Variants in CECR2 observed in about 807,000 individuals in gnomAD.
CECR2 encodes CECR2 histone acetyl-lysine reader.
A neutral mutation model predicts 154.5 loss-of-function variants in CECR2; 30 were observed. That is an observed-to-expected ratio of 0.19 (90% CI 0.15 to 0.26). The LOEUF (loss-of-function observed/expected upper bound fraction) is 0.26, where lower values mean the gene tolerates loss of function less well. CECR2 is among the 10% of genes least tolerant of loss of function. The pLI, the probability that CECR2 is intolerant of heterozygous loss-of-function variation, is 1.00. For missense variants in CECR2, 1,743 were observed against 1,829.3 expected (o/e 0.95, Z 0.86); for synonymous variants, 725 against 683.7 (o/e 1.06, Z -0.94).
At chr22:17,399,990 C>CAGTTAGCAT (rs2053868199) in intron 1 of CECR2, among the ~76,000 whole-genome samples, 1 of 152,114 alleles carries the variant, frequency 6.6e-6, no homozygotes. Context: ...TGTAATTCTG[C>CAGTTAGCAT]AGTTAGCATT....
At chr22:17,456,173 G>A (rs2054851423) in intron 1 of CECR2, among the ~76,000 whole-genome samples, 1 of 152,024 alleles carries the variant, frequency 6.6e-6, no homozygotes, top group South Asian at 2.1e-4. Flanking sequence ...GTCTACTGTT[G>A]TACCATTGAT....
chr22:17,376,029 C>T (rs1486494110), intron 1 of CECR2, among the ~76,000 whole-genome samples: 1 of 151,972 alleles, frequency 6.6e-6, no homozygotes. Context: ...GATAAAATGC[C>T]TTCTAAAGAT....
chr22:17,514,631 A>T (rs2056018164), intron 8 of CECR2, among the ~76,000 whole-genome samples: 1 of 152,166 alleles, frequency 6.6e-6, no homozygotes, highest in African/African-American at 2.4e-5. Flanking sequence ...CTGGTTCTTT[A>T]ATAGTTAAAA....
intron 14 of CECR2, 90 bp downstream of exon 14, chr22:17,540,890 ATACT>A: frequency 7.5e-6 from 10 of 1,331,044 alleles, no homozygotes; most frequent in East Asian, 2.6e-5. Flanking sequence ...TTCCTGCAAA[ATACT>A]TACGTGTATG....
intron 9 of CECR2, among the ~76,000 whole-genome samples, chr22:17,531,734 T>C (rs1463019600): frequency 6.6e-6 from 1 of 152,208 alleles, no homozygotes; most frequent in African/African-American, 2.4e-5. Flanking sequence ...ATAAACTGGA[T>C]ATAAATTATA....
intron 7 of CECR2, among the ~76,000 whole-genome samples, chr22:17,511,409 G>T (rs1277201908): frequency 6.6e-6 from 1 of 152,088 alleles, no homozygotes; most frequent in African/African-American, 2.4e-5. Flanking sequence ...CCACTGTGCT[G>T]CCTTTGCCCG....
intron 2 of CECR2, among the ~76,000 whole-genome samples, chr22:17,494,985 G>A (rs1248381774): frequency 2.6e-5 from 4 of 152,100 alleles, no homozygotes; most frequent in Non-Finnish European, 5.9e-5. Context: ...GAGCCACCGC[G>A]CCCGGCAAAC....
chr22:17,524,438 G>A (rs2056219544), intron 9 of CECR2, 167 bp downstream of exon 9: 18 of 763,554 alleles, frequency 2.4e-5, no homozygotes, highest in Non-Finnish European at 3.5e-5. Flanking sequence ...TGTCGCCCAG[G>A]CTGGAGTGCA....
intron 1 of CECR2, among the ~76,000 whole-genome samples, chr22:17,378,828 T>C (rs1308455687): frequency 6.6e-6 from 1 of 152,220 alleles, no homozygotes; most frequent in African/African-American, 2.4e-5. Context: ...ATGGGCATTT[T>C]TTCCCCTAAA....
chr22:17,446,505 CA>C (rs1269395450), intron 1 of CECR2, among the ~76,000 whole-genome samples: 1 of 152,114 alleles, frequency 6.6e-6, no homozygotes. Context: ...ATCACGAGGT[CA>C]GGGGATCGAG....
At chr22:17,543,703 A>G (rs533588559) in intron 16 of CECR2, among the ~76,000 whole-genome samples, 29 of 150,520 alleles carry the variant, frequency 1.9e-4, no homozygotes, top group African/African-American at 6.8e-4. Context: ...GGGATTACAG[A>G]TGCATGCCAC....
chr22:17,524,859 GT>G, intron 9 of CECR2: 2 of 407,898 alleles, frequency 4.9e-6, no homozygotes, highest in South Asian at 1.7e-5. Context: ...TAGAGATGGG[GT>G]TTTACCATGT....
chr22:17,406,286 C>T (rs758233643), intron 1 of CECR2, among the ~76,000 whole-genome samples: 1 of 151,972 alleles, frequency 6.6e-6, no homozygotes, highest in Non-Finnish European at 1.5e-5. Flanking sequence ...TTTGGGAGGC[C>T]AAGGCGGGAG....
chr22:17,361,185 GCAAAA>G (rs1211255447), intron 1 of CECR2, among the ~76,000 whole-genome samples: 2 of 151,568 alleles, frequency 1.3e-5, no homozygotes, highest in Non-Finnish European at 2.9e-5. Context: ...ACAAAACAAA[GCAAAA>G]CAAAACAAAA....
At chr22:17,461,550 G>T (rs2054937752) in intron 1 of CECR2, among the ~76,000 whole-genome samples, 1 of 152,166 alleles carries the variant, frequency 6.6e-6, no homozygotes, top group Non-Finnish European at 1.5e-5. Flanking sequence ...CGAGGAGTTT[G>T]ATGGCTTTCG....
intron 1 of CECR2, among the ~76,000 whole-genome samples, chr22:17,439,541 CAA>C: frequency 6.7e-6 from 1 of 148,584 alleles, no homozygotes; most frequent in East Asian, 2.0e-4. Flanking sequence ...ATCTTAATGA[CAA>C]AAAAAAATAT....
At chr22:17,363,555 C>CTGG (rs747864370) in intron 1 of CECR2, among the ~76,000 whole-genome samples, 2 of 152,120 alleles carry the variant, frequency 1.3e-5, no homozygotes, top group Non-Finnish European at 2.9e-5. Context: ...GTTGGCCAGG[C>CTGG]TGGGCTCGAA....
chr22:17,524,184 C>A lies in CECR2; in HGVS notation c.1021C>A (p.Leu341Ile). ...AGAGGAGGAAGAAGAGCGTCAGATT[C>A]TTCTAGCAGTGCAGAAGAAGGAGCA... is the stretch of plus-strand genomic sequence containing the variant. ...RKEEEEERQI[L>I]LAVQKKEQEQ... The change falls in exon 9 of 19, where the codon CTT becomes ATT. Residue 341 changes from leucine to isoleucine, a missense_variant. Physicochemically the swap from Leu to Ile is conservative, Grantham distance 5 (BLOSUM62 2). Transcript: ENST00000262608. 1.9e-6 allele frequency: 3 copies of A among 1,608,028 alleles called. No individual in the cohort carries two copies. The highest frequency in any genetic ancestry group is 2.5e-6 in the Non-Finnish European group (3 of 1,177,384).
intron 1 of CECR2, among the ~76,000 whole-genome samples, chr22:17,473,773 C>T (rs1280874777): frequency 1.3e-5 from 2 of 152,144 alleles, no homozygotes; most frequent in African/African-American, 2.4e-5. Flanking sequence ...TAAGTAGATT[C>T]ACATTGTTGT....
Sources: gnomAD v4.1 joint callset for allele counts (sites outside exome capture counted in the v4.1 genomes callset) on GRCh38, gnomAD v4.1.1 for gene constraint, MANE v1.5 for transcripts, NCBI Gene and HGNC (gene_info 2026-07-23, HGNC 2026-07-21) for gene names.